PRKG1: variants seen among roughly 807,000 people sequenced by gnomAD.
PRKG1 encodes the protein cGMP-dependent protein kinase 1.
In PRKG1, 35 loss-of-function variants were observed where a neutral mutation model predicts 88.1. The ratio of observed to expected loss-of-function variants is 0.40; its 90% CI spans 0.30 to 0.53. The LOEUF is 0.53. Ranked by LOEUF, PRKG1 falls within the 20% of genes least tolerant of loss-of-function variation. The pLI is 0.59. For synonymous variants in PRKG1, 303 were observed against 292.5 expected (o/e 1.04, Z -0.37); for missense variants, 540 against 839.8 (o/e 0.64, Z 4.41).
At chr10:51,973,169 C>T (rs146786299) in intron 5 of PRKG1, among the ~76,000 whole-genome samples, 2 of 152,236 alleles carry the variant, frequency 1.3e-5, no homozygotes, top group African/African-American at 2.4e-5. Flanking sequence ...CCAATGCTTG[C>T]CATGGCTTCA....
At chr10:51,409,392 T>C (rs1838013049) in intron 2 of PRKG1, among the ~76,000 whole-genome samples, 4 of 152,152 alleles carry the variant, frequency 2.6e-5, no homozygotes, top group Admixed American at 2.0e-4. Flanking sequence ...CCTGATCACA[T>C]GTATAAGATT....
intron 3 of PRKG1, among the ~76,000 whole-genome samples, chr10:51,624,531 G>T (rs911265017): frequency 3.3e-5 from 5 of 151,998 alleles, no homozygotes; most frequent in African/African-American, 9.7e-5. Flanking sequence ...TTTCTGTCTG[G>T]CATAATCTTT....
chr10:51,437,429 C>T (rs968667387), intron 2 of PRKG1, among the ~76,000 whole-genome samples: 2 of 151,902 alleles, frequency 1.3e-5, no homozygotes, highest in African/African-American at 2.4e-5. Context: ...GTCTTACCTT[C>T]GCCTTTGAGT....
intron 3 of PRKG1, among the ~76,000 whole-genome samples, chr10:51,700,121 C>T (rs1201268090): frequency 1.3e-5 from 2 of 152,230 alleles, no homozygotes; most frequent in Admixed American, 6.5e-5. Flanking sequence ...GCCCCTTAAA[C>T]TAAAACAGTA....
At chr10:52,134,407 G>C (rs1268660685) in intron 8 of PRKG1, among the ~76,000 whole-genome samples, 1 of 152,000 alleles carries the variant, frequency 6.6e-6, no homozygotes, top group East Asian at 1.9e-4. Context: ...ATCAGTTCTA[G>C]ACATAGGCAT....
intron 2 of PRKG1, among the ~76,000 whole-genome samples, chr10:51,206,990 A>AT (rs1838079293): frequency 2.0e-5 from 3 of 152,062 alleles, no homozygotes; most frequent in Non-Finnish European, 4.4e-5. Context: ...TTTTTTTTAA[A>AT]TTGTAGTTTG....
chr10:52,177,052 C>T (rs1024861816), intron 9 of PRKG1, among the ~76,000 whole-genome samples: 12 of 150,498 alleles, frequency 8.0e-5, no homozygotes, highest in African/African-American at 2.5e-4. Flanking sequence ...TCCAGTACTA[C>T]GTTGAAAAAG....
intron 2 of PRKG1, among the ~76,000 whole-genome samples, chr10:51,288,739 C>A (rs12252501): frequency 0.017 from 2,541 of 152,148 alleles, 73 homozygotes; most frequent in African/African-American, 0.057. Context: ...ATGAATAATA[C>A]TACTTAGCAG....
chr10:52,065,928 C>A (rs1476515037), intron 7 of PRKG1, among the ~76,000 whole-genome samples: 4 of 152,096 alleles, frequency 2.6e-5, no homozygotes, highest in Non-Finnish European at 5.9e-5. Context: ...CCAACAGAAT[C>A]AAAGAACCAG....
intron 7 of PRKG1, among the ~76,000 whole-genome samples, chr10:52,097,948 T>C (rs74135144): frequency 0.031 from 4,738 of 151,972 alleles, 235 homozygotes; most frequent in African/African-American, 0.11. Context: ...AAAGGTAAGG[T>C]TTTCTTATTT....
intron 2 of PRKG1, among the ~76,000 whole-genome samples, chr10:51,452,236 A>G (rs758215260): frequency 8.6e-5 from 13 of 151,952 alleles, no homozygotes; most frequent in Admixed American, 3.9e-4. Context: ...AGGGAACTCT[A>G]GTCTACCATC....
At position 51,296,853 on chromosome 10, in the gene PRKG1, C is replaced by T. The variant is rs551022208; in HGVS notation, c.478+143523C>T. ...TCTGAAATTAAACCTAGTTACATTG[C>T]CGCCTCTGCTTTTCCATGTTTTCTT... On this transcript the variant is annotated intron_variant, in intron 2 of 17. Coordinates refer to ENST00000373980, the MANE Select transcript of PRKG1 (RefSeq NM_006258.4). Among the ~76,000 whole-genome samples, 4 of 152,126 alleles carry T rather than the reference C, an allele frequency of 2.6e-5. No individual in the cohort carries two copies. The South Asian group carries it at 8.3e-4, about 32-fold the overall frequency.
intron 13 of PRKG1, among the ~76,000 whole-genome samples, 167 bp from the exon 14 acceptor site, chr10:52,281,986 A>G (rs925793412): frequency 1.4e-4 from 21 of 152,156 alleles, no homozygotes; most frequent in Non-Finnish European, 3.1e-4. Context: ...ACTGAGGTGC[A>G]TCAGGGAGAC....
rs573540491 is a variant in PRKG1, at chr10:51,252,069, G to A, written c.478+98739G>A. 2.0e-5 allele frequency among the ~76,000 whole-genome samples: 3 copies of A among 151,844 alleles called. No homozygotes were observed. In the East Asian group the frequency reaches 5.8e-4, roughly 29 times the overall value. On this transcript the variant is annotated intron_variant, in intron 2 of 17. Coordinates refer to ENST00000373980, the MANE Select transcript of PRKG1 (RefSeq NM_006258.4). ...TAATGTAATTCATGTGTGTGTGTGT[G>A]CACATGCATGAGTGTCTTCTCTTTT...
chr10:51,988,373 T>G (rs1484954647), intron 5 of PRKG1, among the ~76,000 whole-genome samples: 1 of 152,082 alleles, frequency 6.6e-6, no homozygotes, highest in Non-Finnish European at 1.5e-5. Context: ...AATAATGTTA[T>G]AGTGAACCTA....
chr10:51,413,527 T>C (rs920678570), intron 2 of PRKG1, among the ~76,000 whole-genome samples: 1 of 151,982 alleles, frequency 6.6e-6, no homozygotes, highest in African/African-American at 2.4e-5. Flanking sequence ...GCCCAGCTAA[T>C]TTTTTGTATC....
intron 3 of PRKG1, among the ~76,000 whole-genome samples, chr10:51,774,117 G>A (rs1344276821): frequency 6.6e-6 from 1 of 152,026 alleles, no homozygotes; most frequent in African/African-American, 2.4e-5. Context: ...TTCTGGCCCT[G>A]TGATTTTGGG....
chr10:51,510,906 C>CTTAT (rs1554817199), intron 3 of PRKG1, among the ~76,000 whole-genome samples: 1 of 137,378 alleles, frequency 7.3e-6, no homozygotes, highest in African/African-American at 3.2e-5. Context: ...ACCACACCAG[C>CTTAT]TTATTTTTTT....
chr10:51,693,814 G>A (rs1236719654), intron 3 of PRKG1, among the ~76,000 whole-genome samples: 2 of 152,072 alleles, frequency 1.3e-5, no homozygotes, highest in Non-Finnish European at 2.9e-5. Flanking sequence ...AAGGTAATTG[G>A]TAATATGAAT....
Sources: gnomAD v4.1 joint callset for allele counts (sites outside exome capture counted in the v4.1 genomes callset) on GRCh38, gnomAD v4.1.1 for gene constraint, MANE v1.5 for transcripts, NCBI Gene and HGNC (gene_info 2026-07-23, HGNC 2026-07-21) for gene names.